EYS: variants seen among roughly 807,000 people sequenced by gnomAD.
EYS encodes the protein EGF-like photoreceptor maintenance factor, also known as protein eyes shut homolog.
A neutral mutation model predicts 282.1 loss-of-function variants in EYS; 250 were observed. That is an observed-to-expected ratio of 0.89 (90% CI 0.80 to 0.98). The LOEUF (loss-of-function observed/expected upper bound fraction) is 0.98, where lower values mean the gene tolerates loss of function less well. EYS is among the 50% of genes least tolerant of loss of function. The pLI, the probability that EYS is intolerant of heterozygous loss-of-function variation, is 0.00. For synonymous variants in EYS, 1,355 were observed against 1,282.9 expected (o/e 1.06, Z -1.20); for missense variants, 4,016 against 3,709.0 (o/e 1.08, Z -2.15).
intron 26 of EYS, among the ~76,000 whole-genome samples, chr6:64,457,603 T>C (rs4112817): frequency 2.0e-5 from 3 of 151,858 alleles, no homozygotes; most frequent in Non-Finnish European, 4.4e-5. Flanking sequence ...TATCATACTA[T>C]AGTGACCTCC....
At chr6:64,130,109 A>C (rs141036730) in intron 31 of EYS, among the ~76,000 whole-genome samples, 2,933 of 152,246 alleles carry the variant, frequency 0.019, 82 homozygotes, top group African/African-American at 0.066. Flanking sequence ...ATACCATTTG[A>C]CCCAACTATC....
rs141649415 is a variant in EYS at position 65,157,482 on chromosome 6, T to A, written c.2024-99755A>T. Among the ~76,000 whole-genome samples, 87 of 150,896 alleles carry A rather than the reference T, an allele frequency of 5.8e-4. 1 individual carries two copies. Among genetic ancestry groups the A allele is most frequent in the African/African-American group, 2.1e-3 (85 of 41,440 alleles). On this transcript the variant is annotated intron_variant, in intron 12 of 42. Coordinates refer to ENST00000503581, the MANE Select transcript of EYS (RefSeq NM_001142800.2). The stretch of plus-strand genomic sequence containing the variant: ...TTTGACAAGGTAGTTAATTATTGCC[T>A]ACTCAGTCATAGAAATCAAAATTCA...
Position 64,159,559 on chromosome 6 carries a change from T to TAAA in EYS, c.6424+71030_6424+71032dup, listed in dbSNP as rs35139594. Among the ~76,000 whole-genome samples the TAAA allele has an allele frequency of 8.4e-3, 505 of 59,950 alleles. 7 individuals carry two copies. Among genetic ancestry groups the TAAA allele is most frequent in the Non-Finnish European group, 0.013 (408 of 32,256 alleles). 39.3% of individuals were successfully genotyped at this position (59,950 alleles called of 152,430 possible). ...TGGGCGACAGAGCGAGACTCTGTCT[T>TAAA]AAAAAAAAAAAAAAAAAAAAAAAAA... is the stretch of plus-strand genomic sequence containing the variant. On this transcript the variant is annotated intron_variant, in intron 31 of 42. Coordinates refer to ENST00000503581, the MANE Select transcript of EYS (RefSeq NM_001142800.2).
At chr6:64,271,159 A>G (rs955959580) in intron 30 of EYS, among the ~76,000 whole-genome samples, 1 of 152,194 alleles carries the variant, frequency 6.6e-6, no homozygotes, top group East Asian at 1.9e-4. Context: ...GTACAAGAGC[A>G]AGAAGTAAAA....
chr6:65,663,883 T>C (rs1451844018), intron 1 of EYS, among the ~76,000 whole-genome samples: 14 of 143,730 alleles, frequency 9.7e-5, no homozygotes, highest in Non-Finnish European at 4.6e-5. Flanking sequence ...TTTTTTTTTT[T>C]TTTTTGAGAC....
chr6:65,139,643 A>T (rs1389925670), intron 12 of EYS, among the ~76,000 whole-genome samples: 8 of 152,088 alleles, frequency 5.3e-5, no homozygotes. Flanking sequence ...GTTGAGTGGG[A>T]AACTAGACTT....
intron 12 of EYS, among the ~76,000 whole-genome samples, chr6:65,126,339 T>C (rs1775718062): frequency 6.6e-6 from 1 of 152,144 alleles, no homozygotes; most frequent in Non-Finnish European, 1.5e-5. Context: ...ACTTGAGAAA[T>C]ATCAGCAACA....
chr6:65,255,309 A>G (rs531174975), intron 12 of EYS, among the ~76,000 whole-genome samples: 2 of 152,178 alleles, frequency 1.3e-5, no homozygotes, highest in East Asian at 1.9e-4. Context: ...GGTGCTAGGA[A>G]AATTGGACAT....
At chr6:64,181,424 C>G (rs1184704463) in intron 31 of EYS, among the ~76,000 whole-genome samples, 3 of 152,034 alleles carry the variant, frequency 2.0e-5, no homozygotes, top group Non-Finnish European at 2.9e-5. Context: ...TATATTCACT[C>G]ATGCCAATCA....
chr6:65,498,452 T>A (rs1349795626), intron 2 of EYS, among the ~76,000 whole-genome samples: 1 of 151,992 alleles, frequency 6.6e-6, no homozygotes, highest in Non-Finnish European at 1.5e-5. Context: ...GGAAACAAAT[T>A]ACATTTGCAT....
chr6:64,971,388 G>T (rs1415700397), intron 14 of EYS, among the ~76,000 whole-genome samples: 1 of 151,918 alleles, frequency 6.6e-6, no homozygotes, highest in African/African-American at 2.4e-5. Context: ...TAACTCTACT[G>T]TTTTATACAA....
intron 31 of EYS, among the ~76,000 whole-genome samples, chr6:64,171,645 G>C (rs75823041): frequency 1.3e-5 from 2 of 151,948 alleles, no homozygotes; most frequent in Non-Finnish European, 2.9e-5. Context: ...TCCACTGCAC[G>C]TAACAAAATA....
At chr6:64,337,606 G>A (rs1770903764) in intron 29 of EYS, among the ~76,000 whole-genome samples, 2 of 151,938 alleles carry the variant, frequency 1.3e-5, no homozygotes, top group Middle Eastern at 3.4e-3. Flanking sequence ...AGAGAAAGAG[G>A]GAACCCTCCC....
intron 11 of EYS, among the ~76,000 whole-genome samples, chr6:65,319,726 C>T (rs991196068): frequency 3.3e-5 from 5 of 152,100 alleles, no homozygotes; most frequent in East Asian, 1.9e-4. Flanking sequence ...GGAATGACGC[C>T]GCTTTGCTAG....
At chr6:65,344,970 T>C (rs1770339664) in intron 9 of EYS, among the ~76,000 whole-genome samples, 2 of 151,732 alleles carry the variant, frequency 1.3e-5, no homozygotes, top group South Asian at 4.1e-4. Context: ...TCTCTGGCTT[T>C]GGATTGCTTA....
In EYS at chr6:64,221,797, G is replaced by T. The variant is rs554433001; in HGVS notation, c.6424+8795C>A. 1.3e-4 allele frequency among the ~76,000 whole-genome samples: 20 copies of T among 152,102 alleles called. 1 individual carries two copies. The highest frequency in any genetic ancestry group is 1.3e-3 in the Admixed American group (20 of 15,224). Reference sequence around the variant, plus strand: ...TTTGTCCATTTTATATAAGAAACTTGATTGTTTATGGTATCTGAGAGGAGT... The same window carrying T: ...TTTGTCCATTTTATATAAGAAACTTTATTGTTTATGGTATCTGAGAGGAGT... On this transcript the variant is annotated intron_variant, in intron 31 of 42. Coordinates refer to ENST00000503581, the MANE Select transcript of EYS (RefSeq NM_001142800.2).
chr6:64,216,569 A>C (rs557323581), intron 31 of EYS, among the ~76,000 whole-genome samples: 36 of 152,326 alleles, frequency 2.4e-4, no homozygotes, highest in Non-Finnish European at 4.9e-4. Context: ...CATTCCCCAC[A>C]TATTGCTGAT....
intron 30 of EYS, among the ~76,000 whole-genome samples, chr6:64,298,149 A>G (rs768260402): frequency 1.8e-4 from 28 of 152,182 alleles, no homozygotes; most frequent in Non-Finnish European, 3.2e-4. Flanking sequence ...AAGAAATAAG[A>G]GTAAATTAAT....
At chr6:64,883,182 G>A (rs1389928213) in intron 19 of EYS, among the ~76,000 whole-genome samples, 2 of 151,184 alleles carry the variant, frequency 1.3e-5, no homozygotes, top group Admixed American at 6.6e-5. Context: ...ATGTAGATTG[G>A]GCATTTGGCA....
Sources: gnomAD v4.1 joint callset for allele counts (sites outside exome capture counted in the v4.1 genomes callset) on GRCh38, gnomAD v4.1.1 for gene constraint, MANE v1.5 for transcripts, NCBI Gene and HGNC (gene_info 2026-07-23, HGNC 2026-07-21) for gene names.